The following KLF8 variants were observed in gnomAD, a reference collection of about 807,000 sequenced individuals.
KLF8 encodes the protein KLF transcription factor 8, also known as Krueppel-like factor 8.
A neutral mutation model predicts 18.2 loss-of-function variants in KLF8; 10 were observed. That is an observed-to-expected ratio of 0.55 (90% confidence interval 0.34 to 0.93). The LOEUF is 0.93. Among genes scored for constraint, KLF8 ranks in the 40% least tolerant of loss-of-function variants. The pLI is 0.02. For missense variants in KLF8, 264 were observed against 277.9 expected, an observed-to-expected ratio of 0.95 and a Z score of 0.36; for synonymous variants, 109 against 97.3, an observed-to-expected ratio of 1.12 and a Z score of -0.71.
the KLF8 span, among the ~76,000 whole-genome samples, chrX:56,163,174 T>C: frequency 8.9e-6 from 1 of 112,121 alleles, no homozygotes; most frequent in African/African-American, 3.2e-5. Flanking sequence ...TACTGCACTA[T>C]CTTCCACAAT....
Position 56,265,639 on chromosome X carries a change from G to C in KLF8, c.541G>C (p.Val181Leu). ...KMGGLKTIPV[V>L]VQSLPMVYTT... ...GGGTGGCCTGAAGACCATCCCAGTG[G>C]TAGTGCAGTCTCTGCCCATGGTGTA... is the stretch of plus-strand genomic sequence containing the variant. The change falls in exon 3 of 6, where the codon GTA becomes CTA. Residue 181 changes from valine (V) to leucine (L), a missense_variant. Physicochemically the swap from Val to Leu is conservative, Grantham distance 32 (BLOSUM62 1). Coordinates refer to ENST00000468660, the MANE Select transcript of KLF8 (RefSeq NM_007250.5). 1 of 1,211,372 alleles carries C rather than the reference G, an allele frequency of 8.3e-7. No homozygotes were observed.
the KLF8 span, among the ~76,000 whole-genome samples, chrX:56,044,416 C>T: frequency 6.2e-5 from 7 of 112,384 alleles, no homozygotes; most frequent in African/African-American, 1.9e-4. Context: ...GCTGAGTCAA[C>T]TGAACTACAG....
chrX:55,951,733 A>AAT, the KLF8 span, among the ~76,000 whole-genome samples: 190 of 108,252 alleles, frequency 1.8e-3, no homozygotes, highest in Middle Eastern at 9.3e-3. Context: ...AGATCTGGTA[A>AAT]ATATATATAT....
the KLF8 span, among the ~76,000 whole-genome samples, chrX:56,174,962 T>C: frequency 8.9e-6 from 1 of 112,027 alleles, no homozygotes; most frequent in African/African-American, 3.2e-5. Context: ...TCATTTTTTA[T>C]TGCGTCTATT....
chrX:56,080,937 G>A, the KLF8 span, among the ~76,000 whole-genome samples: 6 of 110,816 alleles, frequency 5.4e-5, no homozygotes, highest in Non-Finnish European at 1.1e-4. Flanking sequence ...CCAGTTGATT[G>A]CATCGGCTCC....
At chrX:56,039,393 G>T in the KLF8 span, among the ~76,000 whole-genome samples, 1 of 111,472 alleles carries the variant, frequency 9.0e-6, no homozygotes, top group African/African-American at 3.3e-5. Context: ...TGTATATGGT[G>T]TAAGGAAGAG....
chrX:56,163,327 G>A, the KLF8 span, among the ~76,000 whole-genome samples: 1 of 111,664 alleles, frequency 9.0e-6, no homozygotes, highest in East Asian at 2.8e-4. Context: ...GTTTTCATTT[G>A]CATTTCTGTA....
At chrX:56,132,424 A>T in the KLF8 span, among the ~76,000 whole-genome samples, 4 of 111,372 alleles carry the variant, frequency 3.6e-5, no homozygotes, top group Non-Finnish European at 7.5e-5. Flanking sequence ...AAATACAAAA[A>T]TTCTTTGAAT....
At chrX:56,225,993 A>G in the KLF8 span, among the ~76,000 whole-genome samples, 1 of 112,485 alleles carries the variant, frequency 8.9e-6, no homozygotes, top group Non-Finnish European at 1.9e-5. Context: ...GAGGTATACT[A>G]CATTGCAGTG....
At chrX:56,165,187 A>C in the KLF8 span, among the ~76,000 whole-genome samples, 1 of 111,032 alleles carries the variant, frequency 9.0e-6, no homozygotes, top group African/African-American at 3.3e-5. Context: ...TGAATTTTAA[A>C]ATACTTCTTT....
At chrX:56,172,511 G>A in the KLF8 span, among the ~76,000 whole-genome samples, 1 of 111,768 alleles carries the variant, frequency 8.9e-6, no homozygotes, top group Non-Finnish European at 1.9e-5. Flanking sequence ...ATCATTGTTA[G>A]ACATTTGGGT....
chrX:56,014,460 TAAAAAGTCAAGAAACAACAG>T, the KLF8 span, among the ~76,000 whole-genome samples: 2 of 111,956 alleles, frequency 1.8e-5, no homozygotes, highest in Non-Finnish European at 3.8e-5. Flanking sequence ...TGGCAATTAT[TAAAAAGTCAAGAAACAACAG>T]ATGATGGCAA....
the KLF8 span, among the ~76,000 whole-genome samples, chrX:55,992,584 C>T: frequency 9.0e-6 from 1 of 111,708 alleles, no homozygotes; most frequent in African/African-American, 3.3e-5. Flanking sequence ...ATTTGGGATA[C>T]TTTTTTGTTC....
the KLF8 span, among the ~76,000 whole-genome samples, chrX:56,102,885 A>C: frequency 9.8e-6 from 1 of 101,754 alleles, no homozygotes; most frequent in Non-Finnish European, 2.0e-5. Context: ...ATATCTCCTA[A>C]TGCTATCCCT....
At chrX:56,153,115 AATATG>A in the KLF8 span, among the ~76,000 whole-genome samples, 30 of 112,010 alleles carry the variant, frequency 2.7e-4, no homozygotes, top group East Asian at 3.3e-3. Context: ...TCAAAAATTT[AATATG>A]ATATAAGTAA....
the KLF8 span, among the ~76,000 whole-genome samples, chrX:56,005,121 C>T: frequency 9.1e-6 from 1 of 109,731 alleles, no homozygotes. Context: ...TGGCTCACTG[C>T]AACCTCTGCC....
chrX:56,176,655 A>G, the KLF8 span, among the ~76,000 whole-genome samples: 8 of 111,230 alleles, frequency 7.2e-5, 1 homozygote, highest in Admixed American at 9.7e-5. Context: ...TGCCTGCCTT[A>G]CTAGATTGGG....
chrX:56,158,387 C>T, the KLF8 span, among the ~76,000 whole-genome samples: 1 of 111,601 alleles, frequency 9.0e-6, no homozygotes, highest in African/African-American at 3.3e-5. Flanking sequence ...TTTTTTGGTT[C>T]CATATGAACT....
chrX:55,948,528 A>G, the KLF8 span, among the ~76,000 whole-genome samples: 4 of 112,190 alleles, frequency 3.6e-5, no homozygotes, highest in Admixed American at 1.9e-4. Context: ...GTTACATATC[A>G]TACCATATAT....
Sources: gnomAD v4.1 joint callset for allele counts (sites outside exome capture counted in the v4.1 genomes callset) on GRCh38, gnomAD v4.1.1 for gene constraint, MANE v1.5 for transcripts, NCBI Gene and HGNC (gene_info 2026-07-23, HGNC 2026-07-21) for gene names.